Variants in SHF observed in about 807,000 individuals in gnomAD.
SHF encodes the protein SH2 domain-containing adapter protein F.
In SHF, 30 loss-of-function variants were observed where a neutral mutation model predicts 42.4. The ratio of observed to expected loss-of-function variants is 0.71; its 90% confidence interval spans 0.53 to 0.96. The LOEUF is 0.96. SHF is among the 40% of genes least tolerant of loss of function. SHF has a pLI of 0.00. For synonymous variants in SHF, 264 were observed against 269.9 expected, an observed-to-expected ratio of 0.98 and a Z score of 0.21; for missense variants, 598 against 634.0, an observed-to-expected ratio of 0.94 and a Z score of 0.61.
chr15:45,177,590 A>G (rs1159636283), intron 2 of SHF, among the ~76,000 whole-genome samples: 1 of 151,804 alleles, frequency 6.6e-6, no homozygotes, highest in East Asian at 1.9e-4. Context: ...CACTAACATC[A>G]TTTGCTCCTG....
intron 3 of SHF, among the ~76,000 whole-genome samples, chr15:45,174,999 G>A (rs1897722264): frequency 6.6e-6 from 1 of 152,152 alleles, no homozygotes; most frequent in African/African-American, 2.4e-5. Context: ...TGATGCAGGG[G>A]AATGCCTTCA....
chr15:45,178,041 C>A (rs1054870529), intron 2 of SHF, 124 bp downstream of exon 2: 14 of 1,332,588 alleles, frequency 1.1e-5, no homozygotes, highest in Non-Finnish European at 1.4e-5. Flanking sequence ...TCCCTAAGGA[C>A]CTGGAAAAGA....
intron 3 of SHF, 46 bp from the exon 4 acceptor site, chr15:45,173,762 G>C (rs1897650376): frequency 6.5e-7 from 1 of 1,545,120 alleles, no homozygotes; most frequent in Admixed American, 2.0e-5. Context: ...CAGTGACAGA[G>C]ACAGAAAGAG....
Position 45,168,009 on chromosome 15 carries a change from G to A in SHF, c.1405C>T (p.Leu469=). ...EIVHHYASRK[L]PIKGAEHMSL... ...ATGTGTTCGGCTCCCTTAATGGGTA[G>A]CTTGCGGCTGGCATAGTGGTGCACA... Residue 469 remains leucine (L), a synonymous_variant, in exon 7 of 7, where the codon CTA becomes TTA. Coordinates refer to ENST00000690270, the MANE Select transcript of SHF (RefSeq NM_001394037.1). 6.2e-7 allele frequency: 1 copy of A among 1,613,634 alleles called. No homozygotes were observed. Among genetic ancestry groups the A allele is most frequent in the Non-Finnish European group, 8.5e-7 (1 of 1,179,676 alleles).
At chr15:45,170,209 G>C (rs551960273) in intron 6 of SHF, 1 of 426,264 alleles carries the variant, frequency 2.3e-6, no homozygotes, top group East Asian at 8.0e-5. Flanking sequence ...AGACAGAGCT[G>C]GGTTCAAATC....
At chr15:45,168,205 C>G in intron 6 of SHF, 72 bp from the exon 7 acceptor site, 1 of 1,395,756 alleles carries the variant, frequency 7.2e-7, no homozygotes, top group Non-Finnish European at 9.6e-7. Context: ...CCCAGTAACC[C>G]TCCCCAACCC....
At chr15:45,186,573 G>A (rs1177985601) in intron 1 of SHF, among the ~76,000 whole-genome samples, 1 of 152,218 alleles carries the variant, frequency 6.6e-6, no homozygotes, top group Non-Finnish European at 1.5e-5. Context: ...AGGCCAACCC[G>A]AATCAGGGCA....
At chr15:45,174,186 C>A in intron 3 of SHF, 1 of 190,290 alleles carries the variant, frequency 5.3e-6, no homozygotes, top group Non-Finnish European at 1.1e-5. Flanking sequence ...CCAGCCTCGC[C>A]TCAGGTTGTC....
In SHF at chr15:45,171,898, A is replaced by G. The variant is rs1210616404; in HGVS notation, c.1265T>C (p.Phe422Ser). ...CCCCACTCACTTGAGGGAGAGGGAG[A>G]AGTCATTCTTGCTGGTCTCACTGTT... ...VRNSETSKND[F>S]SLSLKSSQGF... The change falls in exon 6 of 7, where the codon TTC (phenylalanine) becomes TCC (serine). Residue 422 changes from phenylalanine (F) to serine (S), a missense_variant. Physicochemically the swap from Phe to Ser is radical, Grantham distance 155. Around this residue, in one of 2 missense-constraint regions of SHF, gnomAD observed 439 missense variants for 524.6 expected, o/e 0.84. Transcript: ENST00000690270. 6.2e-7 allele frequency: 1 copy of G among 1,613,192 alleles called. No homozygotes were observed. The highest frequency in any genetic ancestry group is 8.5e-7 in the Non-Finnish European group (1 of 1,179,750).
rs1288305116 is a variant in SHF, at chr15:45,171,923, T to C, written c.1240A>G (p.Asn414Asp). ...LCKEASYLVR[N>D]SETSKNDFSL... is the part of the protein sequence containing the mutation. ...AAGTCATTCTTGCTGGTCTCACTGTTGCGCACCAGGTAGCTGGCCTCTTTG... is the reference window on the plus strand; with the variant it reads ...AAGTCATTCTTGCTGGTCTCACTGTCGCGCACCAGGTAGCTGGCCTCTTTG... Residue 414 changes from asparagine (N) to aspartate (D), a missense_variant, in exon 6 of 7, where the codon AAC (asparagine) becomes GAC (aspartate). Asn to Asp is a conservative substitution (Grantham distance 23, BLOSUM62 1). Around this residue, in one of 2 missense-constraint regions of SHF, gnomAD observed 439 missense variants for 524.6 expected, o/e 0.84. Coordinates refer to ENST00000690270, the MANE Select transcript of SHF (RefSeq NM_001394037.1). The C allele has an allele frequency of 6.2e-7, 1 of 1,613,802 alleles. No individual in the cohort carries two copies. Among genetic ancestry groups the C allele is most frequent in the East Asian group, 2.2e-5 (1 of 44,868 alleles).
At chr15:45,198,820 T>G in exon 2 of SHF, 1 of 1,613,962 alleles carries the variant, frequency 6.2e-7, no homozygotes, top group Non-Finnish European at 8.5e-7. Context: ...GCAGGCGCGT[T>G]GTACTCCGCC....
intron 4 of SHF, among the ~76,000 whole-genome samples, chr15:45,172,959 G>A (rs1367629976): frequency 2.0e-5 from 3 of 152,238 alleles, no homozygotes; most frequent in South Asian, 4.1e-4. Context: ...CTGAGCCCCC[G>A]TGGGTCCCCA....
Position 45,200,294 on chromosome 15 carries a change from G to T in SHF, c.-47+433C>A, listed in dbSNP as rs139404550. The T allele has an allele frequency of 1.4e-4, 24 of 166,224 alleles. No homozygotes were observed. In the East Asian group the frequency reaches 3.8e-3, roughly 26 times the overall value. The allele number at this position is 166,224 out of a possible 1,614,324, so 10.3% of individuals were successfully genotyped here. A position where few individuals can be genotyped will look rare whatever the true frequency, so the allele number is the denominator to read the frequency against. The stretch of plus-strand genomic sequence containing the variant: ...CAATTTAGCCAGAGCCAGCGTAAAC[G>T]TCGCTCTCAAATGTCACAAGGGAAT... On this transcript the variant is annotated intron_variant, in intron 1 of 7. Transcript: ENST00000290894.
chr15:45,188,285 C>T (rs1378969003), upstream of SHF, among the ~76,000 whole-genome samples: 1 of 152,200 alleles, frequency 6.6e-6, no homozygotes, highest in African/African-American at 2.4e-5. Context: ...CCCCAGCTCC[C>T]AGCTCGTGCG....
chr15:45,200,552 T>G, intron 1 of SHF: 1 of 365,928 alleles, frequency 2.7e-6, no homozygotes, highest in South Asian at 2.0e-5. Context: ...CCCGCCCCCT[T>G]GCAATGTCAT....
chr15:45,193,134 A>G (rs764510955), intron 2 of SHF, among the ~76,000 whole-genome samples: 5 of 152,212 alleles, frequency 3.3e-5, no homozygotes, highest in Non-Finnish European at 7.3e-5. Context: ...CTATACTTAA[A>G]TTTGCTATTA....
chr15:45,175,331 C>A lies in SHF; in HGVS notation c.735G>T (p.Glu245Asp). 6.2e-7 allele frequency: 1 copy of A among 1,604,330 alleles called. No individual in the cohort carries two copies. Among genetic ancestry groups the A allele is most frequent in the Non-Finnish European group, 8.5e-7 (1 of 1,175,340 alleles). Residue 245 changes from glutamate (E) to aspartate (D), a missense_variant, in exon 3 of 7, where the codon GAG becomes GAT. Transcript: ENST00000690270. ...PEEDGATAEG[E>D]GAPWPRESRL... ...GGGACTCCCGGGGCCAGGGGGCCCCCTCACCTTCCGCGGTGGCCCCATCCT... is the reference window on the plus strand; with the variant it reads ...GGGACTCCCGGGGCCAGGGGGCCCCATCACCTTCCGCGGTGGCCCCATCCT...
intron 1 of SHF, among the ~76,000 whole-genome samples, chr15:45,185,546 A>C (rs777574178): frequency 3.9e-5 from 6 of 152,214 alleles, no homozygotes; most frequent in Non-Finnish European, 7.3e-5. Flanking sequence ...GGTCTTTCTC[A>C]TCACACCCAT....
chr15:45,170,356 G>A (rs909202986), intron 6 of SHF: 2 of 1,284,068 alleles, frequency 1.6e-6, no homozygotes, highest in Non-Finnish European at 2.0e-6. Context: ...TGCTTGGTAT[G>A]CTCCATGAAC....
Sources: gnomAD v4.1 joint callset for allele counts (sites outside exome capture counted in the v4.1 genomes callset) on GRCh38, gnomAD v4.1.1 for gene constraint, gnomAD v4.1.1 regional missense constraint, MANE v1.5 for transcripts, NCBI Gene and HGNC (gene_info 2026-07-23, HGNC 2026-07-21) for gene names.